The following CALN1 variants were observed in gnomAD, a reference collection of about 807,000 sequenced individuals.
The protein encoded by CALN1 is calneuron 1, also known as calcium-binding protein 8.
CALN1 carries 17 observed loss-of-function variants against 30.6 expected under a neutral mutation model. The ratio of observed to expected loss-of-function variants is 0.56; its 90% confidence interval spans 0.38 to 0.83. The LOEUF (loss-of-function observed/expected upper bound fraction) is 0.83, where lower values mean the gene tolerates loss of function less well. Among genes scored for constraint, CALN1 ranks in the 40% least tolerant of loss-of-function variants. The probability of loss-of-function intolerance (pLI) is 0.00; values close to 1 mark genes in which losing one functional copy is unlikely to be tolerated. For synonymous variants in CALN1, 156 were observed against 131.4 expected (o/e 1.19, Z -1.28); for missense variants, 291 against 354.9 (o/e 0.82, Z 1.45).
At chr7:72,405,057 T>C (rs527748910) in intron 1 of CALN1, among the ~76,000 whole-genome samples, 39 of 152,026 alleles carry the variant, frequency 2.6e-4, no homozygotes, top group Non-Finnish European at 5.3e-4. Flanking sequence ...ACCTCCGAGG[T>C]CTCTGGTTCC....
At chr7:71,825,103 CAGA>C (rs1203073226) in intron 5 of CALN1, among the ~76,000 whole-genome samples, 2 of 152,146 alleles carry the variant, frequency 1.3e-5, no homozygotes, top group African/African-American at 2.4e-5. Flanking sequence ...ATCAAATAAG[CAGA>C]CCCCCTTCCT....
chr7:72,270,634 G>T (rs1031315614), intron 3 of CALN1, among the ~76,000 whole-genome samples: 10 of 151,916 alleles, frequency 6.6e-5, no homozygotes, highest in Non-Finnish European at 1.0e-4. Flanking sequence ...AATTTAGCAG[G>T]TGTGGTGACA....
At chr7:71,874,994 G>A (rs577132588) in intron 5 of CALN1, among the ~76,000 whole-genome samples, 25 of 152,076 alleles carry the variant, frequency 1.6e-4, no homozygotes, top group Admixed American at 1.2e-3. Flanking sequence ...GCAAAACCCC[G>A]TCTCTACTAA....
intron 3 of CALN1, among the ~76,000 whole-genome samples, chr7:72,274,532 G>A (rs1297399159): frequency 6.6e-6 from 1 of 150,602 alleles, no homozygotes; most frequent in Non-Finnish European, 1.5e-5. Context: ...ATAGTATCAC[G>A]AGATTATTCA....
Position 71,787,693 on chromosome 7 carries a change from T to C in CALN1, c.*82A>G. On this transcript the variant is annotated 3_prime_UTR_variant, in exon 7 of 7. Coordinates refer to ENST00000395275, the MANE Select transcript of CALN1 (RefSeq NM_031468.4). ...TCCATCCATAGTCCATAGGTCCGTG[T>C]CTGCTGTGTGGAGGAAGAGTCTGCC... The C allele has an allele frequency of 2.6e-6, 4 of 1,566,310 alleles. No homozygotes were observed. The highest frequency in any genetic ancestry group is 3.5e-6 in the Non-Finnish European group (4 of 1,154,562).
At chr7:72,392,760 G>GA (rs113101358) in intron 2 of CALN1, among the ~76,000 whole-genome samples, 7 of 152,118 alleles carry the variant, frequency 4.6e-5, no homozygotes, top group African/African-American at 1.7e-4. Context: ...AGGATTGCTG[G>GA]AGGCCAGAAG....
intron 2 of CALN1, among the ~76,000 whole-genome samples, chr7:72,395,578 G>A (rs551268505): frequency 1.3e-5 from 2 of 152,158 alleles, no homozygotes; most frequent in African/African-American, 2.4e-5. Context: ...GATGTTCTGA[G>A]GATCATTCAT....
At chr7:72,470,206 A>C in the CALN1 span, among the ~76,000 whole-genome samples, 1 of 152,166 alleles carries the variant, frequency 6.6e-6, no homozygotes, top group Admixed American at 6.5e-5. Flanking sequence ...GTCATGTGGA[A>C]AATGGGTTAT....
At chr7:72,214,794 G>T (rs1217641519) in intron 3 of CALN1, among the ~76,000 whole-genome samples, 9 of 151,964 alleles carry the variant, frequency 5.9e-5, no homozygotes, top group Non-Finnish European at 1.0e-4. Context: ...TCCACCTCCT[G>T]TCAAATCACT....
intron 2 of CALN1, among the ~76,000 whole-genome samples, chr7:72,347,219 C>T (rs968229921): frequency 2.0e-5 from 3 of 151,804 alleles, no homozygotes; most frequent in African/African-American, 7.3e-5. Flanking sequence ...TTCTAAAACC[C>T]AAAGACAATT....
At chr7:71,791,052 C>G (rs1423958173) in intron 6 of CALN1, among the ~76,000 whole-genome samples, 1 of 152,194 alleles carries the variant, frequency 6.6e-6, no homozygotes, top group Non-Finnish European at 1.5e-5. Context: ...GTGGCTCATC[C>G]AAACTCCTGG....
chr7:72,379,178 G>A (rs1156622741), intron 2 of CALN1, among the ~76,000 whole-genome samples: 7 of 152,018 alleles, frequency 4.6e-5, no homozygotes, highest in African/African-American at 1.4e-4. Flanking sequence ...CACACAAACT[G>A]GATTACAGTG....
At position 72,002,629 on chromosome 7, in the gene CALN1, T is replaced by C. The variant is rs577574270; in HGVS notation, c.501+21028A>G. 1.4e-4 allele frequency among the ~76,000 whole-genome samples: 22 copies of C among 152,278 alleles called. No individual in the cohort carries two copies. The East Asian group carries it at 3.3e-3, about 23-fold the overall frequency. On this transcript the variant is annotated intron_variant, in intron 5 of 6. Transcript: ENST00000395275. ...AAATGGTCTTTATTTGAAGATGACATCAACTTTGATGTAGAAAATCCCAAG... is the reference window on the plus strand; with the variant it reads ...AAATGGTCTTTATTTGAAGATGACACCAACTTTGATGTAGAAAATCCCAAG...
intron 5 of CALN1, 146 bp downstream of exon 5, chr7:72,023,508 AGTT>A: frequency 4.0e-6 from 2 of 499,694 alleles, no homozygotes; most frequent in African/African-American, 1.9e-5. Context: ...CTAAAAAAGT[AGTT>A]GTTTTGATTC....
At chr7:72,340,547 C>G (rs1438522685) in intron 2 of CALN1, among the ~76,000 whole-genome samples, 1 of 152,166 alleles carries the variant, frequency 6.6e-6, no homozygotes, top group Admixed American at 6.5e-5. Flanking sequence ...GGTTGGTGCC[C>G]TGCAAATACA....
chr7:72,121,126 T>A (rs1055657037), intron 3 of CALN1, among the ~76,000 whole-genome samples: 1 of 146,570 alleles, frequency 6.8e-6, no homozygotes, highest in South Asian at 2.1e-4. Flanking sequence ...ATATCTATTA[T>A]AATTTATATA....
chr7:72,221,739 AATT>A (rs2129549636), intron 3 of CALN1, among the ~76,000 whole-genome samples: 1 of 151,804 alleles, frequency 6.6e-6, no homozygotes, highest in Admixed American at 6.6e-5. Flanking sequence ...AAACTACAAA[AATT>A]AGCTGGGCAT....
At chr7:71,983,723 G>T (rs531762694) in intron 5 of CALN1, among the ~76,000 whole-genome samples, 2 of 152,024 alleles carry the variant, frequency 1.3e-5, no homozygotes, top group Non-Finnish European at 1.5e-5. Context: ...GTAGAAACGG[G>T]GTTTCGCCAT....
chr7:72,359,599 T>G (rs1803438409), intron 2 of CALN1, among the ~76,000 whole-genome samples: 2 of 152,266 alleles, frequency 1.3e-5, no homozygotes, highest in African/African-American at 4.8e-5. Context: ...TATGCACTAT[T>G]CCTGACAAAA....
Sources: gnomAD v4.1 joint callset for allele counts (sites outside exome capture counted in the v4.1 genomes callset) on GRCh38, gnomAD v4.1.1 for gene constraint, MANE v1.5 for transcripts, NCBI Gene and HGNC (gene_info 2026-07-23, HGNC 2026-07-21) for gene names.